Variants in PCM1 observed in about 807,000 individuals in gnomAD.
PCM1 encodes pericentriolar material 1 protein.
Under a neutral mutation model 241.9 loss-of-function variants are expected in PCM1, and 157 were observed. The ratio of observed to expected loss-of-function variants is 0.65; its 90% CI spans 0.57 to 0.74. The LOEUF (loss-of-function observed/expected upper bound fraction) is 0.74. Ranked by LOEUF, PCM1 falls within the 30% of genes least tolerant of loss-of-function variation. The pLI is 0.00. For missense variants in PCM1, 3,478 were observed against 2,360.1 expected (o/e 1.47, Z -9.81); for synonymous variants, 1,085 against 784.9 (o/e 1.38, Z -6.39).
chr8:17,979,556 G>A (rs186562894), intron 23 of PCM1, among the ~76,000 whole-genome samples: 74 of 152,242 alleles, frequency 4.9e-4, no homozygotes, highest in African/African-American at 1.7e-3. Flanking sequence ...TGTTTGAGTG[G>A]GGGGTATGAA....
intron 17 of PCM1, among the ~76,000 whole-genome samples, chr8:17,963,962 C>T (rs529984649): frequency 1.3e-5 from 2 of 152,222 alleles, no homozygotes; most frequent in South Asian, 4.1e-4. Context: ...ACTGATCAGA[C>T]TATATCTACA....
In PCM1 at chr8:17,937,148, A is replaced by G. The variant is rs2060669870; in HGVS notation, c.111A>G (p.Gln37=). The change falls in exon 4 of 39, where the codon CAA becomes CAG. Residue 37 remains glutamine, a synonymous_variant. Transcript: ENST00000325083. ...DRLNNMDWGA[Q]QKKANRSSEK... ...CTTTTTTAAAGGATTGGGGTGCCCA[A>G]CAGAAGAAAGCAAATAGATCATCAG... 1.9e-6 allele frequency: 3 copies of G among 1,565,670 alleles called. No individual in the cohort carries two copies. The highest frequency in any genetic ancestry group is 1.7e-6 in the Non-Finnish European group (2 of 1,153,732).
intron 36 of PCM1, among the ~76,000 whole-genome samples, chr8:18,019,565 T>G (rs1207147453): frequency 2.0e-5 from 3 of 152,178 alleles, no homozygotes; most frequent in East Asian, 3.9e-4. Context: ...TGATGAGAGA[T>G]AATGACACAG....
chr8:17,964,500 CATA>C, intron 17 of PCM1, 65 bp from the exon 18 acceptor site: 2 of 1,163,396 alleles, frequency 1.7e-6, no homozygotes, highest in South Asian at 3.0e-5. Context: ...ATGTCTGGCA[CATA>C]GTAGGTGGCA....
chr8:18,000,196 C>T (rs1415672105), intron 29 of PCM1, among the ~76,000 whole-genome samples: 2 of 152,126 alleles, frequency 1.3e-5, no homozygotes, highest in Non-Finnish European at 1.5e-5. Context: ...TGAGAATTAG[C>T]TTCGCGTGTT....
At chr8:18,014,482 A>G (rs906882558) in intron 35 of PCM1, 102 bp from the exon 36 acceptor site, 32 of 906,138 alleles carry the variant, frequency 3.5e-5, no homozygotes, top group Middle Eastern at 5.8e-4. Context: ...GGTCTTAAAT[A>G]TCTTGATTGC....
chr8:17,983,118 A>G (rs3850748), intron 24 of PCM1: 66,046 of 372,748 alleles, frequency 0.18, 6,831 homozygotes, highest in East Asian at 0.4. Context: ...TCAGGCAAAC[A>G]ATTTTAAAGA....
At chr8:17,928,970 A>T (rs2058090799) in intron 2 of PCM1, among the ~76,000 whole-genome samples, 1 of 152,114 alleles carries the variant, frequency 6.6e-6, no homozygotes, top group Non-Finnish European at 1.5e-5. Context: ...AAACGTACTC[A>T]AGATACTTCT....
intron 36 of PCM1, 83 bp downstream of exon 36, chr8:18,014,923 T>C: frequency 8.2e-7 from 1 of 1,214,060 alleles, no homozygotes; most frequent in South Asian, 1.6e-5. Context: ...ATTCTCCACA[T>C]GTAAACCATT....
intron 23 of PCM1, among the ~76,000 whole-genome samples, chr8:17,978,667 C>G (rs1445810671): frequency 6.6e-6 from 1 of 152,046 alleles, no homozygotes; most frequent in African/African-American, 2.4e-5. Context: ...TTTATCCTAT[C>G]TGAGGAAAAC....
intron 36 of PCM1, among the ~76,000 whole-genome samples, chr8:18,022,024 G>A (rs1326334470): frequency 6.6e-6 from 1 of 152,124 alleles, no homozygotes; most frequent in East Asian, 1.9e-4. Context: ...GGATCTTTTG[G>A]AAACAACAGC....
intron 8 of PCM1, among the ~76,000 whole-genome samples, 194 bp downstream of exon 8, chr8:17,950,918 A>G (rs563134436): frequency 6.6e-6 from 1 of 152,366 alleles, no homozygotes; most frequent in South Asian, 2.1e-4. Flanking sequence ...TCTCAGTCCA[A>G]TGCTGGTGGC....
At chr8:18,003,435 A>G (rs963061547) in intron 29 of PCM1, among the ~76,000 whole-genome samples, 1 of 152,090 alleles carries the variant, frequency 6.6e-6, no homozygotes, top group East Asian at 1.9e-4. Context: ...TGCCCACATT[A>G]TGTCCTTTAC....
chr8:17,973,010 C>T (rs1322628996), intron 23 of PCM1, among the ~76,000 whole-genome samples: 3 of 152,028 alleles, frequency 2.0e-5, no homozygotes, highest in Non-Finnish European at 4.4e-5. Flanking sequence ...GTATCAGATC[C>T]TGCATCCAAC....
chr8:17,958,681 A>G (rs2069989209), intron 13 of PCM1, among the ~76,000 whole-genome samples: 1 of 152,032 alleles, frequency 6.6e-6, no homozygotes, highest in Non-Finnish European at 1.5e-5. Flanking sequence ...ACTCAAGTAA[A>G]AGGTGAGCGT....
chr8:18,004,321 T>C (rs1243563543), intron 29 of PCM1, among the ~76,000 whole-genome samples: 1 of 152,202 alleles, frequency 6.6e-6, no homozygotes, highest in Non-Finnish European at 1.5e-5. Context: ...TTAGGAAATA[T>C]CAATGGTATT....
intron 22 of PCM1, among the ~76,000 whole-genome samples, chr8:17,971,310 G>A (rs1364072016): frequency 5.3e-5 from 8 of 152,292 alleles, no homozygotes; most frequent in African/African-American, 1.9e-4. Flanking sequence ...ACTATTAGGA[G>A]CAGTGTTGTT....
intron 38 of PCM1, among the ~76,000 whole-genome samples, chr8:18,026,900 G>A (rs139743969): frequency 2.6e-5 from 4 of 151,922 alleles, no homozygotes; most frequent in East Asian, 1.9e-4. Context: ...TTTTGTTTTC[G>A]TAATATAATT....
intron 29 of PCM1, among the ~76,000 whole-genome samples, chr8:18,004,059 G>A (rs1345401409): frequency 2.0e-5 from 3 of 151,132 alleles, no homozygotes; most frequent in Non-Finnish European, 2.9e-5. Context: ...TAAAAAAAAA[G>A]CCTAAATGAT....
Sources: gnomAD v4.1 joint callset for allele counts (sites outside exome capture counted in the v4.1 genomes callset) on GRCh38, gnomAD v4.1.1 for gene constraint, MANE v1.5 for transcripts, NCBI Gene and HGNC (gene_info 2026-07-23, HGNC 2026-07-21) for gene names.